OTOF: variants seen among roughly 807,000 people sequenced by gnomAD.
The protein encoded by OTOF is fer-1-like family member 2.
Under a neutral mutation model 236.8 loss-of-function variants are expected in OTOF, and 218 were observed. The ratio of observed to expected loss-of-function variants is 0.92; its 90% CI spans 0.82 to 1.03. The LOEUF (loss-of-function observed/expected upper bound fraction) is 1.03, where lower values mean the gene tolerates loss of function less well. OTOF is among the 50% of genes least tolerant of loss of function. The probability of loss-of-function intolerance (pLI) is 0.00; values close to 1 mark genes in which losing one functional copy is unlikely to be tolerated. For synonymous variants in OTOF, 1,041 were observed against 1,072.5 expected (o/e 0.97, Z 0.57); for missense variants, 2,590 against 2,694.4 (o/e 0.96, Z 0.86).
intron 2 of OTOF, among the ~76,000 whole-genome samples, chr2:26,530,648 C>T (rs1478629268): frequency 6.6e-6 from 1 of 152,174 alleles, no homozygotes; most frequent in Non-Finnish European, 1.5e-5. Context: ...TCTTTTCCTT[C>T]CCTCCCGCAT....
Position 26,462,238 on chromosome 2 carries a change from G to T in OTOF, c.5193-57C>A. On this transcript the variant is annotated intron_variant, in intron 41 of 46. Transcript: ENST00000272371. The surrounding 1 kb of genome is among the most constrained non-coding windows in gnomAD (Gnocchi z 4.7). ...CCCCAGGTGGGGGTTATGCCAGGGT[G>T]CCAGGGCTGGGATGGGGCAGGCGGA... 6.8e-7 allele frequency: 1 copy of T among 1,474,754 alleles called. No homozygotes were observed. The highest frequency in any genetic ancestry group is 1.1e-5 in the South Asian group (1 of 88,332). The allele number at this position is 1,474,754 out of a possible 1,614,324, so 91.4% of individuals were successfully genotyped here.
chr2:26,557,893 T>C (rs1667633436), intron 1 of OTOF, among the ~76,000 whole-genome samples: 1 of 151,748 alleles, frequency 6.6e-6, no homozygotes, highest in Non-Finnish European at 1.5e-5. Flanking sequence ...CCCCTATCCT[T>C]GGGACACAGT....
At chr2:26,555,858 C>T (rs933316417) in intron 1 of OTOF, among the ~76,000 whole-genome samples, 1 of 152,198 alleles carries the variant, frequency 6.6e-6, no homozygotes, top group African/African-American at 2.4e-5. Flanking sequence ...TTTGAATACT[C>T]TTCCCACAAA....
chr2:26,533,987 G>A (rs1667009031), intron 2 of OTOF, among the ~76,000 whole-genome samples: 1 of 152,134 alleles, frequency 6.6e-6, no homozygotes, highest in South Asian at 2.1e-4. Context: ...AGAAGGCCCA[G>A]GGTCCCTCCT....
At position 26,472,606 on chromosome 2, in the gene OTOF, G is replaced by A. The variant is rs776975399; in HGVS notation, c.3777C>T (p.Ser1259=). ...RRCRVLCNGG[S]SSHSTGEVVV... The stretch of plus-strand genomic sequence containing the variant: ...CAACCTCCCCTGTGGAGTGAGAGGA[G>A]GAGCCCCCATTGCACAGCACACGGC... The change falls in exon 30 of 47, where the codon TCC becomes TCT. Residue 1259 remains serine (S), a synonymous_variant. Transcript: ENST00000272371. The A allele has an allele frequency of 6.2e-7, 1 of 1,613,402 alleles. No homozygotes were observed.
In OTOF at chr2:26,473,273, G is replaced by C; in HGVS notation, c.3592C>G (p.Leu1198Val). ...FEVDLPENEL[L>V]HPPLNIRVVD... ...ACACGGATGTTCAAGGGCGGGTGCA[G>C]CAGCTCGTTCTCTGGGAGGTCCTGG... Residue 1198 changes from leucine to valine, a missense_variant, in exon 29 of 47, where the codon CTG (leucine) becomes GTG (valine). Leu to Val is a conservative substitution (Grantham distance 32). Around this residue, in one of 2 missense-constraint regions of OTOF, gnomAD observed 1,211 missense variants for 1,352.8 expected, o/e 0.90. Coordinates refer to ENST00000272371, the MANE Select transcript of OTOF (RefSeq NM_194248.3). This position sits in a 1 kb window ranked among gnomAD's most constrained non-coding sequence, Gnocchi z 7.2. 6.2e-7 allele frequency: 1 copy of C among 1,613,362 alleles called. No individual in the cohort carries two copies. The highest frequency in any genetic ancestry group is 8.5e-7 in the Non-Finnish European group (1 of 1,179,888).
At chr2:26,530,868 C>T (rs1666930864) in intron 2 of OTOF, among the ~76,000 whole-genome samples, 1 of 152,178 alleles carries the variant, frequency 6.6e-6, no homozygotes, top group Non-Finnish European at 1.5e-5. Context: ...GGGGTCCTGG[C>T]ATCAGTGTGG....
At chr2:26,499,471 C>T (rs1666067062) in intron 8 of OTOF, among the ~76,000 whole-genome samples, 1 of 151,994 alleles carries the variant, frequency 6.6e-6, no homozygotes, top group Non-Finnish European at 1.5e-5. Context: ...AGAGTGAAGT[C>T]GTATCTGGTT....
At chr2:26,508,596 A>G (rs769084760) in intron 5 of OTOF, among the ~76,000 whole-genome samples, 11 of 152,236 alleles carry the variant, frequency 7.2e-5, no homozygotes, top group Non-Finnish European at 1.5e-4. Flanking sequence ...TGCAAGGCTC[A>G]AGCAAGCAGC....
At chr2:26,526,023 G>A (rs543147071) in intron 3 of OTOF, among the ~76,000 whole-genome samples, 1 of 148,012 alleles carries the variant, frequency 6.8e-6, no homozygotes, top group South Asian at 2.1e-4. Context: ...AGAGGCGGAG[G>A]TTGCAGTGAG....
intron 15 of OTOF, 152 bp from the exon 16 acceptor site, chr2:26,480,463 C>A (rs1450822321): frequency 1.4e-6 from 1 of 699,532 alleles, no homozygotes; most frequent in African/African-American, 1.8e-5. Flanking sequence ...CCCCAACGGC[C>A]CCCCAGCCTG....
intron 5 of OTOF, among the ~76,000 whole-genome samples, chr2:26,512,008 C>G (rs1666403534): frequency 6.6e-6 from 1 of 152,138 alleles, no homozygotes; most frequent in African/African-American, 2.4e-5. Flanking sequence ...CTGGCCCCAG[C>G]ATAGGAGGAA....
At chr2:26,530,627 T>C (rs1666922014) in intron 2 of OTOF, among the ~76,000 whole-genome samples, 1 of 152,088 alleles carries the variant, frequency 6.6e-6, no homozygotes. Flanking sequence ...ACACGAGGCT[T>C]TCCCCTCATT....
intron 5 of OTOF, among the ~76,000 whole-genome samples, chr2:26,515,433 C>T (rs546751360): frequency 2.0e-5 from 3 of 152,180 alleles, no homozygotes; most frequent in Non-Finnish European, 4.4e-5. Context: ...TATGTGCACA[C>T]GTGTGCACTC....
Position 26,460,605 on chromosome 2 carries a change from A to G in OTOF, c.5813+42T>C. The G allele has an allele frequency of 6.6e-7, 1 of 1,504,986 alleles. No individual in the cohort carries two copies. Among genetic ancestry groups the G allele is most frequent in the Non-Finnish European group, 9.2e-7 (1 of 1,081,964 alleles). The allele number at this position is 1,504,986 out of a possible 1,614,324, so 93.2% of individuals were successfully genotyped here. ...GTCTCCTTCCTGTTCCAGCGCCTCC[A>G]AGAGCCAGAGTGGGGAGGGGCTGGG... On this transcript the variant is annotated intron_variant, in intron 45 of 46. Coordinates refer to ENST00000272371, the MANE Select transcript of OTOF (RefSeq NM_194248.3). This position sits in a 1 kb window ranked among gnomAD's most constrained non-coding sequence, Gnocchi z 5.3.
At position 26,558,520 on chromosome 2, in the gene OTOF, C is replaced by T. The variant is rs376856990; in HGVS notation, c.52G>A (p.Asp18Asn). 8.4e-5 allele frequency: 136 copies of T among 1,613,872 alleles called. No individual in the cohort carries two copies. Among genetic ancestry groups the T allele is most frequent in the Non-Finnish European group, 1.1e-4 (130 of 1,179,978 alleles). The change falls in exon 1 of 47, where the codon GAC becomes AAC. Residue 18 changes from aspartate (D) to asparagine (N), a missense_variant. Around this residue, in one of 2 missense-constraint regions of OTOF, gnomAD observed 1,379 missense variants for 1,341.6 expected, o/e 1.03. Transcript: ENST00000272371. Reference protein sequence around the residue: ...KTVSELRGRGDRIAKVTFRGQ... With the variant: ...KTVSELRGRGNRIAKVTFRGQ... ...CGGAAAGTCACTTTGGCGATCCGGT[C>T]GCCCCTGCCCCGCAGCTCCGAGACT...
chr2:26,536,102 A>C (rs1462192080), intron 2 of OTOF, among the ~76,000 whole-genome samples: 2 of 152,104 alleles, frequency 1.3e-5, no homozygotes, highest in Non-Finnish European at 2.9e-5. Context: ...ATCTTCTCCC[A>C]GCCAGCCCAG....
At chr2:26,512,828 A>G (rs1288912586) in intron 5 of OTOF, among the ~76,000 whole-genome samples, 1 of 152,306 alleles carries the variant, frequency 6.6e-6, no homozygotes, top group East Asian at 1.9e-4. Context: ...CACCTGCCAC[A>G]TGCCAGGCAC....
intron 5 of OTOF, among the ~76,000 whole-genome samples, chr2:26,514,361 G>A (rs57679539): frequency 0.23 from 35,623 of 152,202 alleles, 4,983 homozygotes; most frequent in African/African-American, 0.4. Context: ...CACGAAGATG[G>A]GGAGAGGTGG....
Sources: allele counts gnomAD v4.1 joint callset (sites outside exome capture counted in the v4.1 genomes callset), GRCh38; gene constraint gnomAD v4.1.1; regional missense constraint gnomAD v4.1.1; non-coding constraint Gnocchi (gnomAD v3.1); transcripts MANE v1.5; gene names NCBI Gene and HGNC (gene_info 2026-07-23, HGNC 2026-07-21).